Variants in ZEB1 observed in about 807,000 individuals in gnomAD.
The protein encoded by ZEB1 is zinc finger E-box-binding homeobox 1.
A neutral mutation model predicts 84.9 loss-of-function variants in ZEB1; 21 were observed. That is an observed-to-expected ratio of 0.25 (90% CI 0.18 to 0.36). ZEB1 has a LOEUF of 0.36. Among genes scored for constraint, ZEB1 ranks in the 10% least tolerant of loss-of-function variants. ZEB1 has a pLI of 1.00. For missense variants in ZEB1, 1,104 were observed against 1,330.2 expected (o/e 0.83, Z 2.65); for synonymous variants, 420 against 471.1 (o/e 0.89, Z 1.41).
intron 1 of ZEB1, among the ~76,000 whole-genome samples, chr10:31,362,060 TC>T (rs1336004146): frequency 1.4e-5 from 2 of 147,876 alleles, no homozygotes; most frequent in Non-Finnish European, 3.0e-5. Flanking sequence ...GCAGAGGCGC[TC>T]CTCATTTCCC....
chr10:31,474,654 G>T (rs112651955), intron 2 of ZEB1, among the ~76,000 whole-genome samples: 4,482 of 152,224 alleles, frequency 0.029, 112 homozygotes, highest in Non-Finnish European at 0.038. Flanking sequence ...TCAGTGCGGC[G>T]ATTCCTCAGG....
chr10:31,381,210 A>T (rs2047566020), intron 1 of ZEB1, among the ~76,000 whole-genome samples: 1 of 152,202 alleles, frequency 6.6e-6, no homozygotes, highest in Non-Finnish European at 1.5e-5. Flanking sequence ...AAAATATTTC[A>T]TTTGTAGATG....
At chr10:31,319,204 A>T (rs768313856), upstream of ZEB1, 3 of 1,574,180 alleles carry the variant, frequency 1.9e-6, no homozygotes, top group Non-Finnish European at 2.6e-6. Context: ...GGAGGAGGTG[A>T]CTCGAGCATT....
chr10:31,384,424 C>T (rs916137526), intron 1 of ZEB1, among the ~76,000 whole-genome samples: 2 of 152,172 alleles, frequency 1.3e-5, no homozygotes, highest in Non-Finnish European at 2.9e-5. Context: ...TCACCTGTCT[C>T]CCCGGTTGAA....
At position 31,527,453 on chromosome 10, in the gene ZEB1, A is replaced by ACACACACACACAC; in HGVS notation, c.*189_*190insCACACACACACAC. On this transcript the variant is annotated 3_prime_UTR_variant, in exon 9 of 9. Transcript: ENST00000424869. Reference sequence around the variant, plus strand: ...CACACACACACACACACACACACACAAAATAAATCCGGGTGTGCCTGAACC... The same window carrying ACACACACACACAC: ...CACACACACACACACACACACACACACACACACACACACAAATAAATCCGGGTGTGCCTGAACC... The ACACACACACACAC allele has an allele frequency of 1.4e-6, 1 of 722,964 alleles. No individual in the cohort carries two copies. The highest frequency in any genetic ancestry group is 2.9e-5 in the East Asian group (1 of 34,882). The allele number at this position is 722,964 out of a possible 1,614,324, so 44.8% of individuals were successfully genotyped here. A position where few individuals can be genotyped will look rare whatever the true frequency, so the allele number is the denominator to read the frequency against.
chr10:31,395,814 A>C (rs548699540), intron 1 of ZEB1, among the ~76,000 whole-genome samples: 7 of 152,324 alleles, frequency 4.6e-5, no homozygotes, highest in African/African-American at 1.4e-4. Context: ...GCACTGAATG[A>C]AACAAATGCC....
chr10:31,428,906 G>T (rs527713309), intron 1 of ZEB1, among the ~76,000 whole-genome samples: 17 of 152,030 alleles, frequency 1.1e-4, no homozygotes, highest in African/African-American at 2.9e-4. Context: ...TTTGTTTTCC[G>T]TTAGCTTGGT....
At chr10:31,384,211 A>G (rs1052228669) in intron 1 of ZEB1, among the ~76,000 whole-genome samples, 1 of 152,004 alleles carries the variant, frequency 6.6e-6, no homozygotes, top group African/African-American at 2.4e-5. Flanking sequence ...CCTGAGCTCA[A>G]ATAATTCACT....
In ZEB1 at chr10:31,529,750, TAA is replaced by T. The variant is rs1265718201; in HGVS notation, c.*2487_*2488del. ...ATCTAATAATTTGATTATTTTCTTA[TAA>T]GTCTTATTAAACACTAGTCATAATA... is the stretch of plus-strand genomic sequence containing the variant. On this transcript the variant is annotated 3_prime_UTR_variant, in exon 9 of 9. Coordinates refer to ENST00000424869, the MANE Select transcript of ZEB1 (RefSeq NM_001174096.2). 1 of 152,254 alleles carries T rather than the reference TAA, an allele frequency of 6.6e-6. No homozygotes were observed. Among genetic ancestry groups the T allele is most frequent in the Admixed American group, 6.5e-5 (1 of 15,282 alleles). 9.4% of individuals were successfully genotyped at this position (152,254 alleles called of 1,614,324 possible).
intron 1 of ZEB1, chr10:31,363,937 G>A: frequency 1.5e-6 from 2 of 1,303,564 alleles, no homozygotes; most frequent in Middle Eastern, 2.9e-4. Context: ...AGGAGCTGCA[G>A]GGTGAGCCCG....
intron 1 of ZEB1, among the ~76,000 whole-genome samples, chr10:31,380,080 G>T (rs1348544931): frequency 2.6e-5 from 4 of 152,028 alleles, no homozygotes; most frequent in Non-Finnish European, 5.9e-5. Context: ...ATCCAACCAA[G>T]ATCTGTATAG....
intron 1 of ZEB1, among the ~76,000 whole-genome samples, chr10:31,439,237 A>G (rs894322549): frequency 2.6e-5 from 4 of 152,186 alleles, no homozygotes; most frequent in African/African-American, 9.7e-5. Context: ...TCAGTACCAA[A>G]CAATATATCT....
intron 1 of ZEB1, among the ~76,000 whole-genome samples, chr10:31,443,607 C>T (rs2059333575): frequency 1.4e-5 from 2 of 142,258 alleles, no homozygotes; most frequent in Admixed American, 7.5e-5. Context: ...ATTCCCCTTC[C>T]TGTGTCCATG....
chr10:31,345,341 C>G (rs2040121085), intron 1 of ZEB1, among the ~76,000 whole-genome samples: 1 of 151,922 alleles, frequency 6.6e-6, no homozygotes, highest in African/African-American at 2.4e-5. Context: ...TCCTATTAAA[C>G]CTGTTAAAGT....
At chr10:31,488,945 T>A (rs1261487598) in intron 2 of ZEB1, among the ~76,000 whole-genome samples, 1 of 151,296 alleles carries the variant, frequency 6.6e-6, no homozygotes, top group Non-Finnish European at 1.5e-5. Context: ...AATTTCGTCA[T>A]TGGGGTGTGT....
chr10:31,365,347 C>T (rs1246200142), intron 1 of ZEB1, among the ~76,000 whole-genome samples: 1 of 152,126 alleles, frequency 6.6e-6, no homozygotes, highest in East Asian at 1.9e-4. Context: ...GGGACATACT[C>T]TTGGGTGTCT....
intron 1 of ZEB1, among the ~76,000 whole-genome samples, chr10:31,399,253 C>T (rs1206626115): frequency 6.6e-6 from 1 of 152,056 alleles, no homozygotes; most frequent in East Asian, 1.9e-4. Context: ...CCACGGCCTC[C>T]CAAAGTGCTG....
intron 1 of ZEB1, chr10:31,319,538 T>G: frequency 9.9e-6 from 5 of 505,520 alleles, no homozygotes; most frequent in East Asian, 3.7e-5. Context: ...GCCTAGCGGC[T>G]CCCGCCGCCC....
intron 1 of ZEB1, among the ~76,000 whole-genome samples, chr10:31,336,032 G>C (rs558896181): frequency 6.6e-6 from 1 of 152,210 alleles, no homozygotes; most frequent in South Asian, 2.1e-4. Context: ...TATCTTTATG[G>C]AGAAATTATG....
Sources: allele counts gnomAD v4.1 joint callset (sites outside exome capture counted in the v4.1 genomes callset), GRCh38; gene constraint gnomAD v4.1.1; transcripts MANE v1.5; gene names NCBI Gene and HGNC (gene_info 2026-07-23, HGNC 2026-07-21).